The following PAK2 variants were observed in gnomAD, a reference collection of about 807,000 sequenced individuals.
PAK2 encodes the protein serine/threonine-protein kinase PAK 2.
Under a neutral mutation model 65.9 loss-of-function variants are expected in PAK2, and 21 were observed. The ratio of observed to expected loss-of-function variants is 0.32; its 90% confidence interval spans 0.23 to 0.46. The LOEUF (loss-of-function observed/expected upper bound fraction) is 0.46. Ranked by LOEUF, PAK2 falls within the 20% of genes least tolerant of loss-of-function variation. The pLI is 1.00. For missense variants in PAK2, 324 were observed against 642.6 expected, an observed-to-expected ratio of 0.50 and a Z score of 5.36; for synonymous variants, 204 against 219.7, an observed-to-expected ratio of 0.93 and a Z score of 0.63.
chr3:196,803,081 A>C lies in PAK2; in HGVS notation c.353A>C (p.Lys118Thr), dbSNP rs755506544. 8.7e-6 allele frequency: 14 copies of C among 1,612,942 alleles called. No homozygotes were observed. In the Admixed American group the frequency reaches 2.0e-4, roughly 23 times the overall value. ...TSNITKLEQK[K>T]NPQAVLDVLK... ...AATATCACCAAACTAGAGCAAAAGA[A>C]GAATCCTCAGGCTGTGCTGGATGTC... is the stretch of plus-strand genomic sequence containing the variant. The change falls in exon 4 of 15, where the codon AAG becomes ACG. Residue 118 changes from lysine to threonine, a missense_variant. Physicochemically the swap from Lys to Thr is moderately conservative, Grantham distance 78. This residue lies in a region of PAK2 where 20 missense variants were observed against 99.9 expected (regional missense o/e 0.20). Transcript: ENST00000327134.
intron 11 of PAK2, among the ~76,000 whole-genome samples, chr3:196,815,797 AG>A (rs1716007678): frequency 6.6e-6 from 1 of 151,846 alleles, no homozygotes; most frequent in Non-Finnish European, 1.5e-5. Flanking sequence ...AAAAAAAAAA[AG>A]AGAAAGAAAT....
chr3:196,770,540 A>G (rs140973849), intron 1 of PAK2, among the ~76,000 whole-genome samples: 2,312 of 151,994 alleles, frequency 0.015, 109 homozygotes, highest in Admixed American at 0.097. Context: ...CATCTCTTAA[A>G]AAAAGAATTG....
intron 7 of PAK2, 125 bp downstream of exon 7, chr3:196,808,039 T>C (rs1384668002): frequency 1.2e-6 from 1 of 804,742 alleles, no homozygotes; most frequent in African/African-American, 1.8e-5. Context: ...TGTTTCCTTA[T>C]AGCAACAGTA....
Position 196,806,665 on chromosome 3 carries a change from G to A in PAK2, c.555G>A (p.Pro185=), listed in dbSNP as rs756843915. The A allele has an allele frequency of 1.5e-5, 24 of 1,606,186 alleles. No individual in the cohort carries two copies. The highest frequency in any genetic ancestry group is 2.7e-5 in the African/African-American group (2 of 74,780). The change falls in exon 6 of 15, where the codon CCG becomes CCA. Residue 185 remains proline (P), a synonymous_variant. Transcript: ENST00000327134. The part of the protein sequence containing the change: ...DEETAPPVIA[P]RPDHTKSIYT... Reference sequence around the variant, plus strand: ...AGACTGCTCCTCCCGTTATTGCCCCGCGACCGGATCATACGAAATCAGTGA... The same window carrying A: ...AGACTGCTCCTCCCGTTATTGCCCCACGACCGGATCATACGAAATCAGTGA...
intron 1 of PAK2, among the ~76,000 whole-genome samples, chr3:196,780,892 C>T (rs997521506): frequency 6.6e-6 from 1 of 152,138 alleles, no homozygotes. Flanking sequence ...GGGTTCACGC[C>T]ATTCTCCTGC....
At position 196,755,116 on chromosome 3, in the gene PAK2, C is replaced by CA. The variant is rs1713725990; in HGVS notation, c.-22+14960dup. Among the ~76,000 whole-genome samples, 5 of 152,170 alleles carry CA rather than the reference C, an allele frequency of 3.3e-5. No individual in the cohort carries two copies. In the South Asian group the frequency reaches 1.0e-3, roughly 32 times the overall value. On this transcript the variant is annotated intron_variant, in intron 1 of 14. Transcript: ENST00000327134. Reference sequence around the variant, plus strand: ...AAATTGTATTGGTGGAGATTTGGGACAGACTACGTTGGAGATTTCTGATTT... The same window carrying CA: ...AAATTGTATTGGTGGAGATTTGGGACAAGACTACGTTGGAGATTTCTGATTT...
At chr3:196,817,066 T>A (rs930249443) in intron 11 of PAK2, among the ~76,000 whole-genome samples, 10 of 152,094 alleles carry the variant, frequency 6.6e-5, no homozygotes, top group Non-Finnish European at 1.3e-4. Flanking sequence ...TGATCAAGGT[T>A]TTTTCATTAC....
chr3:196,759,795 GA>G, intron 1 of PAK2, among the ~76,000 whole-genome samples: 1 of 152,044 alleles, frequency 6.6e-6, no homozygotes, highest in Non-Finnish European at 1.5e-5. Context: ...AAAGTGCCGG[GA>G]TTACAGGCGT....
At chr3:196,747,270 G>T (rs1713417782) in intron 1 of PAK2, 1 of 151,934 alleles carries the variant, frequency 6.6e-6, no homozygotes, top group Admixed American at 6.6e-5. Context: ...TCGATGAGCG[G>T]TAATCGCTCC....
rs1714211328 is a variant in PAK2, at chr3:196,767,549, C to T, written c.-21-15077C>T. Among the ~76,000 whole-genome samples the T allele has an allele frequency of 2.0e-5, 3 of 150,618 alleles. No individual in the cohort carries two copies. In the South Asian group the frequency reaches 6.2e-4, roughly 31 times the overall value. On this transcript the variant is annotated intron_variant, in intron 1 of 14. Transcript: ENST00000327134. Reference sequence around the variant, plus strand: ...TGTCACCCAGGCTGGAGTGCAGTGGCATGATCTTGGCTCACTGCAACCTCC... The same window carrying T: ...TGTCACCCAGGCTGGAGTGCAGTGGTATGATCTTGGCTCACTGCAACCTCC...
At chr3:196,741,720 C>A (rs1489895923) in intron 1 of PAK2, among the ~76,000 whole-genome samples, 1 of 152,216 alleles carries the variant, frequency 6.6e-6, no homozygotes, top group Non-Finnish European at 1.5e-5. Flanking sequence ...ATACTGTCAT[C>A]ATTTCTTAAA....
intron 1 of PAK2, among the ~76,000 whole-genome samples, chr3:196,765,146 T>C (rs1714120144): frequency 3.5e-5 from 1 of 28,604 alleles, no homozygotes; most frequent in Non-Finnish European, 8.4e-5. Flanking sequence ...GCCCGGCCTT[T>C]TTTTTTTTTT....
intron 1 of PAK2, among the ~76,000 whole-genome samples, chr3:196,757,458 C>T (rs1368669615): frequency 2.6e-5 from 4 of 152,162 alleles, no homozygotes; most frequent in African/African-American, 9.7e-5. Flanking sequence ...TTAGTAACTT[C>T]TAGTGTGAAA....
intron 2 of PAK2, among the ~76,000 whole-genome samples, chr3:196,789,254 A>ATTGTCT (rs1714990621): frequency 6.6e-6 from 1 of 152,108 alleles, no homozygotes. Context: ...GTTGGATGGT[A>ATTGTCT]TTGTCTTTAT....
At chr3:196,764,986 A>G (rs1009248046) in intron 1 of PAK2, among the ~76,000 whole-genome samples, 45 of 145,930 alleles carry the variant, frequency 3.1e-4, no homozygotes, top group African/African-American at 1.0e-3. Context: ...GGGACACTAC[A>G]GGCACCCGCC....
intron 2 of PAK2, among the ~76,000 whole-genome samples, chr3:196,793,106 C>T (rs915302044): frequency 4.6e-5 from 7 of 152,092 alleles, no homozygotes; most frequent in Admixed American, 1.3e-4. Flanking sequence ...AAATCAACAT[C>T]GAAAGTGTCA....
chr3:196,792,344 G>A (rs1715100517), intron 2 of PAK2, among the ~76,000 whole-genome samples: 1 of 152,202 alleles, frequency 6.6e-6, no homozygotes, highest in African/African-American at 2.4e-5. Flanking sequence ...GAAATGTTGA[G>A]TGCACGACCT....
chr3:196,773,202 C>T (rs960272890), intron 1 of PAK2, among the ~76,000 whole-genome samples: 1 of 152,152 alleles, frequency 6.6e-6, no homozygotes, highest in African/African-American at 2.4e-5. Flanking sequence ...TTGTTTTTCA[C>T]TGAAAAGTAG....
At chr3:196,785,643 T>G (rs1439980105) in intron 2 of PAK2, among the ~76,000 whole-genome samples, 1 of 152,230 alleles carries the variant, frequency 6.6e-6, no homozygotes, top group Admixed American at 6.5e-5. Flanking sequence ...CTATCTATAT[T>G]AGTCTGTTTT....
Sources: allele counts gnomAD v4.1 joint callset (sites outside exome capture counted in the v4.1 genomes callset), GRCh38; gene constraint gnomAD v4.1.1; regional missense constraint gnomAD v4.1.1; transcripts MANE v1.5; gene names NCBI Gene and HGNC (gene_info 2026-07-23, HGNC 2026-07-21).